Variants in KCNH1 observed in about 807,000 individuals in gnomAD.
The protein encoded by KCNH1 is potassium voltage-gated channel subfamily H member 1.
Under a neutral mutation model 69.2 loss-of-function variants are expected in KCNH1, and 27 were observed. That is an observed-to-expected ratio of 0.39 (90% CI 0.29 to 0.54). KCNH1 has a LOEUF of 0.54. KCNH1 is among the 20% of genes least tolerant of loss of function. The pLI, the probability that KCNH1 is intolerant of heterozygous loss-of-function variation, is 0.68. For missense variants in KCNH1, 798 were observed against 1,261.6 expected (o/e 0.63, Z 5.57); for synonymous variants, 456 against 487.7 (o/e 0.93, Z 0.86).
intron 5 of KCNH1, among the ~76,000 whole-genome samples, chr1:211,065,487 G>T (rs1690513185): frequency 6.6e-6 from 1 of 152,158 alleles, no homozygotes; most frequent in Non-Finnish European, 1.5e-5. Context: ...GAGAAAGAGG[G>T]AAGGTTGGGG....
chr1:210,965,920 A>G lies in KCNH1; in HGVS notation c.1033-45851T>C, dbSNP rs192025305. Among the ~76,000 whole-genome samples, 3 of 152,248 alleles carry G rather than the reference A, an allele frequency of 2.0e-5. No homozygotes were observed. In the East Asian group the frequency reaches 5.8e-4, roughly 29 times the overall value. Reference sequence around the variant, plus strand: ...TATGGAACCAAAAAAGAGTCCACATAACCAAGATAATCCTAAGCCAAAAGA... The same window carrying G: ...TATGGAACCAAAAAAGAGTCCACATGACCAAGATAATCCTAAGCCAAAAGA... On this transcript the variant is annotated intron_variant, in intron 6 of 10. Coordinates refer to ENST00000271751, the MANE Select transcript of KCNH1 (RefSeq NM_172362.3).
rs143178317 is a variant in KCNH1 at position 210,742,655 on chromosome 1, C to A, written c.2112+32693G>T. On this transcript the variant is annotated intron_variant, in intron 10 of 10. Coordinates refer to ENST00000271751, the MANE Select transcript of KCNH1 (RefSeq NM_172362.3). The stretch of plus-strand genomic sequence containing the variant: ...ATAAATTCAAAAGGCCCTGCTATGT[C>A]CCTAGTGCCGCACCTTCCCAGCTCT... Among the ~76,000 whole-genome samples, 445 of 152,274 alleles carry A rather than the reference C, an allele frequency of 2.9e-3. 1 individual carries two copies. Among genetic ancestry groups the A allele is most frequent in the African/African-American group, 0.01 (423 of 41,556 alleles).
At chr1:211,112,511 A>T (rs1298826978) in intron 1 of KCNH1, among the ~76,000 whole-genome samples, 1 of 150,528 alleles carries the variant, frequency 6.6e-6, no homozygotes, top group African/African-American at 2.4e-5. Flanking sequence ...TAAAAAAAAA[A>T]AAAAAAAAAA....
intron 10 of KCNH1, among the ~76,000 whole-genome samples, chr1:210,740,701 TA>T (rs1355425877): frequency 8.4e-5 from 12 of 143,404 alleles, no homozygotes; most frequent in African/African-American, 2.2e-4. Context: ...ATTTTATGAT[TA>T]AATTTTTTTT....
At chr1:210,957,974 C>T (rs2358116) in intron 6 of KCNH1, among the ~76,000 whole-genome samples, 98,083 of 152,058 alleles carry the variant, frequency 0.65, 32,438 homozygotes, top group African/African-American at 0.79. Flanking sequence ...AGCTGGTTAT[C>T]TTGCTCATTA....
intron 2 of KCNH1, 42 bp from the exon 3 acceptor site, chr1:211,103,644 C>T (rs768501939): frequency 1.6e-6 from 2 of 1,243,822 alleles, no homozygotes; most frequent in Non-Finnish European, 2.3e-6. Context: ...AAGAAGTATT[C>T]ATTATTCTAC....
At chr1:210,756,793 G>A (rs1574236971) in intron 10 of KCNH1, among the ~76,000 whole-genome samples, 1 of 152,154 alleles carries the variant, frequency 6.6e-6, no homozygotes. Flanking sequence ...GGCTAATCCT[G>A]AAGGTTGGCC....
chr1:210,712,691 C>T (rs535211530), intron 10 of KCNH1, among the ~76,000 whole-genome samples: 1 of 152,290 alleles, frequency 6.6e-6, no homozygotes, highest in African/African-American at 2.4e-5. Context: ...TTGGCTCATA[C>T]CTATTCAAGA....
intron 1 of KCNH1, among the ~76,000 whole-genome samples, chr1:211,122,965 A>C (rs1691715237): frequency 6.6e-6 from 1 of 152,194 alleles, no homozygotes; most frequent in South Asian, 2.1e-4. Flanking sequence ...AAAGAAAAAA[A>C]CAGAAACATT....
intron 5 of KCNH1, among the ~76,000 whole-genome samples, chr1:211,069,762 A>AAT (rs10623622): frequency 0.37 from 55,733 of 151,878 alleles, 10,485 homozygotes; most frequent in African/African-American, 0.44. Context: ...CACAACAGTT[A>AAT]GTTATGCAGT....
At chr1:211,050,468 G>A (rs1690181440) in intron 5 of KCNH1, among the ~76,000 whole-genome samples, 2 of 151,970 alleles carry the variant, frequency 1.3e-5, no homozygotes, top group Admixed American at 1.3e-4. Flanking sequence ...GTTCTTTAAT[G>A]GAAGAGGTAA....
At chr1:210,977,648 A>G (rs913302018) in intron 6 of KCNH1, among the ~76,000 whole-genome samples, 1 of 152,048 alleles carries the variant, frequency 6.6e-6, no homozygotes, top group African/African-American at 2.4e-5. Flanking sequence ...CTTTATATAG[A>G]TTGTTGTTTG....
chr1:210,711,650 T>C (rs544226113), intron 10 of KCNH1, among the ~76,000 whole-genome samples: 10 of 152,222 alleles, frequency 6.6e-5, no homozygotes, highest in Non-Finnish European at 1.5e-4. Context: ...TGTCCCTCTC[T>C]TCTACCCCTT....
chr1:210,692,653 C>A (rs1446277625), intron 10 of KCNH1, among the ~76,000 whole-genome samples: 1 of 152,106 alleles, frequency 6.6e-6, no homozygotes, highest in Non-Finnish European at 1.5e-5. Context: ...TGATGAATGT[C>A]ATTACAAGAG....
At chr1:210,863,444 T>C (rs1438234424) in intron 7 of KCNH1, among the ~76,000 whole-genome samples, 1 of 152,196 alleles carries the variant, frequency 6.6e-6, no homozygotes, top group Non-Finnish European at 1.5e-5. Flanking sequence ...GAAGTGGACT[T>C]GACATCATAT....
At chr1:211,037,069 A>G (rs1689913224) in intron 5 of KCNH1, among the ~76,000 whole-genome samples, 1 of 152,230 alleles carries the variant, frequency 6.6e-6, no homozygotes, top group Non-Finnish European at 1.5e-5. Context: ...GGGAAATCAG[A>G]CTGACTAACC....
chr1:211,040,955 T>C (rs1180821113), intron 5 of KCNH1, among the ~76,000 whole-genome samples: 1 of 152,174 alleles, frequency 6.6e-6, no homozygotes, highest in Non-Finnish European at 1.5e-5. Flanking sequence ...CCTCCTCAAA[T>C]GCTTTACCCA....
At chr1:210,988,249 G>A (rs1305960060) in intron 6 of KCNH1, among the ~76,000 whole-genome samples, 2 of 152,068 alleles carry the variant, frequency 1.3e-5, no homozygotes, top group Non-Finnish European at 2.9e-5. Flanking sequence ...GCAATGCCTC[G>A]CCCTGCTTCA....
At chr1:211,065,264 C>T (rs1489704465) in intron 5 of KCNH1, among the ~76,000 whole-genome samples, 1 of 152,038 alleles carries the variant, frequency 6.6e-6, no homozygotes, top group Non-Finnish European at 1.5e-5. Context: ...AACAGATAAA[C>T]AAAATGTGGC....
Sources: allele counts gnomAD v4.1 joint callset (sites outside exome capture counted in the v4.1 genomes callset), GRCh38; gene constraint gnomAD v4.1.1; transcripts MANE v1.5; gene names NCBI Gene and HGNC (gene_info 2026-07-23, HGNC 2026-07-21).